Variants in NRXN3 observed in about 807,000 individuals in gnomAD.
NRXN3 encodes the protein neurexin 3, also known as neurexin III.
In NRXN3, 32 loss-of-function variants were observed where a neutral mutation model predicts 137.6. The ratio of observed to expected loss-of-function variants is 0.23; its 90% CI spans 0.18 to 0.31. The LOEUF is 0.31. NRXN3 is among the 10% of genes least tolerant of loss of function. The pLI, the probability that NRXN3 is intolerant of heterozygous loss-of-function variation, is 1.00. For synonymous variants in NRXN3, 798 were observed against 784.5 expected (o/e 1.02, Z -0.29); for missense variants, 1,574 against 2,062.5 (o/e 0.76, Z 4.59).
intron 15 of NRXN3, among the ~76,000 whole-genome samples, chr14:79,113,115 C>A (rs533326175): frequency 6.6e-6 from 1 of 152,120 alleles, no homozygotes; most frequent in Non-Finnish European, 1.5e-5. Context: ...CTATCTTATG[C>A]CTGCTAGATA....
intron 15 of NRXN3, among the ~76,000 whole-genome samples, chr14:79,002,617 G>A (rs112591833): frequency 0.047 from 7,226 of 152,132 alleles, 629 homozygotes; most frequent in African/African-American, 0.17. Flanking sequence ...CCAGTCTCTC[G>A]TTGATGGGCA....
intron 15 of NRXN3, among the ~76,000 whole-genome samples, chr14:79,040,841 C>T (rs918019933): frequency 1.3e-5 from 2 of 152,130 alleles, no homozygotes; most frequent in Non-Finnish European, 2.9e-5. Flanking sequence ...TTGCTTTGTT[C>T]CCCTTACTGC....
chr14:78,456,558 C>T (rs1269286751), intron 4 of NRXN3, among the ~76,000 whole-genome samples: 4 of 152,174 alleles, frequency 2.6e-5, no homozygotes, highest in African/African-American at 4.8e-5. Flanking sequence ...GCCTTCTTTG[C>T]GTGTACTTCA....
chr14:78,252,257 A>G (rs769814627), intron 2 of NRXN3, among the ~76,000 whole-genome samples: 11 of 152,104 alleles, frequency 7.2e-5, no homozygotes, highest in Non-Finnish European at 4.4e-5. Context: ...ACTCTGTGAC[A>G]AAACTTACTT....
chr14:79,243,552 A>G (rs760931080), intron 15 of NRXN3, among the ~76,000 whole-genome samples: 6 of 152,208 alleles, frequency 3.9e-5, no homozygotes, highest in African/African-American at 7.2e-5. Context: ...TGATGGGGAT[A>G]CATTCTAAGA....
At chr14:79,013,046 G>A (rs1331382369) in intron 15 of NRXN3, among the ~76,000 whole-genome samples, 1 of 152,146 alleles carries the variant, frequency 6.6e-6, no homozygotes. Flanking sequence ...AACACATGGT[G>A]TATGTGTATG....
intron 14 of NRXN3, among the ~76,000 whole-genome samples, chr14:78,971,441 T>C (rs72685469): frequency 0.018 from 2,637 of 142,604 alleles, 23 homozygotes; most frequent in Non-Finnish European, 0.028. Context: ...TATATATATA[T>C]ACACACACAC....
intron 15 of NRXN3, among the ~76,000 whole-genome samples, chr14:79,364,114 T>C (rs1248958079): frequency 6.6e-6 from 1 of 152,274 alleles, no homozygotes; most frequent in Non-Finnish European, 1.5e-5. Flanking sequence ...TCATTTCTTT[T>C]AATTTTCCTT....
intron 15 of NRXN3, among the ~76,000 whole-genome samples, chr14:79,027,193 T>G (rs1306873960): frequency 6.6e-6 from 1 of 151,700 alleles, no homozygotes; most frequent in Non-Finnish European, 1.5e-5. Context: ...TCTTTTTTTT[T>G]CTTTTGATAA....
intron 4 of NRXN3, among the ~76,000 whole-genome samples, chr14:78,475,085 G>A (rs1016800934): frequency 6.6e-6 from 1 of 152,154 alleles, no homozygotes. Context: ...TTAATCTCCA[G>A]TAGCAAGAGT....
intron 3 of NRXN3, among the ~76,000 whole-genome samples, chr14:78,286,632 T>A (rs1411764520): frequency 6.6e-6 from 1 of 152,086 alleles, no homozygotes; most frequent in African/African-American, 2.4e-5. Flanking sequence ...TAGGGAGGCA[T>A]CTGAGGATGC....
At position 78,643,030 on chromosome 14, in the gene NRXN3, A is replaced by G. The variant is rs552840992; in HGVS notation, c.758-2090A>G. Among the ~76,000 whole-genome samples the G allele has an allele frequency of 4.6e-5, 7 of 152,354 alleles. No individual in the cohort carries two copies. The South Asian group carries it at 1.4e-3, about 32-fold the overall frequency. ...TGACTGGGCTGCTCTGGAACACACA[A>G]GAGAAACTTGATCTCTTCTTTAACT... On this transcript the variant is annotated intron_variant, in intron 4 of 20. Transcript: ENST00000335750.
intron 11 of NRXN3, among the ~76,000 whole-genome samples, chr14:78,960,466 G>A (rs2099405956): frequency 6.6e-6 from 1 of 152,106 alleles, no homozygotes; most frequent in Non-Finnish European, 1.5e-5. Flanking sequence ...TAGAAATGAT[G>A]TAAAGAATAG....
intron 11 of NRXN3, among the ~76,000 whole-genome samples, chr14:78,960,183 C>T (rs2099405344): frequency 6.6e-6 from 1 of 152,126 alleles, no homozygotes. Context: ...ACCCCCCGAA[C>T]TTCACTGCTG....
intron 3 of NRXN3, among the ~76,000 whole-genome samples, chr14:78,296,355 T>G (rs1452026889): frequency 6.6e-6 from 1 of 152,132 alleles, no homozygotes; most frequent in Non-Finnish European, 1.5e-5. Flanking sequence ...TGTGAGCCAC[T>G]CTTGTGAGCG....
At chr14:79,492,827 A>G (rs2096730154) in intron 16 of NRXN3, among the ~76,000 whole-genome samples, 1 of 152,168 alleles carries the variant, frequency 6.6e-6, no homozygotes. Context: ...ATGCATTGGA[A>G]ATACTCTGAC....
intron 10 of NRXN3, among the ~76,000 whole-genome samples, chr14:78,834,696 C>G (rs184742660): frequency 2.0e-5 from 3 of 152,262 alleles, no homozygotes; most frequent in Non-Finnish European, 2.9e-5. Flanking sequence ...GTCTCCTGAA[C>G]TGTGTTCCTG....
At chr14:78,343,944 A>C (rs899726918) in intron 4 of NRXN3, among the ~76,000 whole-genome samples, 4 of 152,206 alleles carry the variant, frequency 2.6e-5, no homozygotes, top group African/African-American at 9.6e-5. Context: ...GTGATGCTTG[A>C]TGCTTGCTGC....
At chr14:79,224,138 T>C (rs1321879241) in intron 15 of NRXN3, among the ~76,000 whole-genome samples, 2 of 152,162 alleles carry the variant, frequency 1.3e-5, no homozygotes, top group Admixed American at 6.6e-5. Flanking sequence ...CTGTCTTCGT[T>C]AAACAGTTTT....
Sources: gnomAD v4.1 joint callset for allele counts (sites outside exome capture counted in the v4.1 genomes callset) on GRCh38, gnomAD v4.1.1 for gene constraint, MANE v1.5 for transcripts, NCBI Gene and HGNC (gene_info 2026-07-23, HGNC 2026-07-21) for gene names.